Variants in FAM171A1 observed in about 807,000 individuals in gnomAD.
The protein encoded by FAM171A1 is family with sequence similarity 171 member A1.
A neutral mutation model predicts 74.9 loss-of-function variants in FAM171A1; 23 were observed. The observed-to-expected ratio is 0.31, with a 90% CI of 0.22 to 0.44. FAM171A1 has a LOEUF of 0.44. Among genes scored for constraint, FAM171A1 ranks in the 20% least tolerant of loss-of-function variants. The pLI, the probability that FAM171A1 is intolerant of heterozygous loss-of-function variation, is 1.00. For missense variants in FAM171A1, 1,162 were observed against 1,159.2 expected (o/e 1.00, Z -0.03); for synonymous variants, 527 against 505.7 (o/e 1.04, Z -0.57).
At chr10:15,315,168 G>A (rs1242981992) in intron 1 of FAM171A1, among the ~76,000 whole-genome samples, 1 of 152,162 alleles carries the variant, frequency 6.6e-6, no homozygotes, top group Non-Finnish European at 1.5e-5. Context: ...ACCACAATGA[G>A]GACAGACAGA....
At chr10:15,343,609 G>A (rs897626631) in intron 1 of FAM171A1, among the ~76,000 whole-genome samples, 1 of 152,174 alleles carries the variant, frequency 6.6e-6, no homozygotes, top group Admixed American at 6.5e-5. Context: ...AAGCACCCTA[G>A]AGGAGTGACC....
intron 1 of FAM171A1, among the ~76,000 whole-genome samples, chr10:15,356,360 A>G (rs1489481534): frequency 6.6e-6 from 1 of 152,170 alleles, no homozygotes; most frequent in Non-Finnish European, 1.5e-5. Context: ...CAAGGGGAGT[A>G]TAGAAAGATA....
At chr10:15,279,519 ATT>A (rs11322755) in intron 2 of FAM171A1, among the ~76,000 whole-genome samples, 9 of 149,230 alleles carry the variant, frequency 6.0e-5, no homozygotes, top group Non-Finnish European at 8.9e-5. Context: ...TACCAAGTAG[ATT>A]TTTTTTTTTT....
chr10:15,267,940 G>C (rs1414663309), intron 3 of FAM171A1, among the ~76,000 whole-genome samples: 2 of 152,208 alleles, frequency 1.3e-5, no homozygotes, highest in Non-Finnish European at 2.9e-5. Flanking sequence ...GCCTCCTTCA[G>C]CATCTTAGTA....
chr10:15,254,178 T>A (rs1429982886), intron 4 of FAM171A1, among the ~76,000 whole-genome samples: 1 of 151,968 alleles, frequency 6.6e-6, no homozygotes, highest in Non-Finnish European at 1.5e-5. Context: ...GGGCGGAGGC[T>A]CCCCATCCTA....
chr10:15,368,257 TCC>T (rs1836090765), intron 1 of FAM171A1, among the ~76,000 whole-genome samples: 2 of 152,160 alleles, frequency 1.3e-5, no homozygotes, highest in Admixed American at 1.3e-4. Context: ...AAGCCAAGCC[TCC>T]AATTTTATCT....
intron 2 of FAM171A1, among the ~76,000 whole-genome samples, chr10:15,276,710 G>A (rs955742449): frequency 1.3e-5 from 2 of 151,960 alleles, no homozygotes; most frequent in African/African-American, 2.4e-5. Flanking sequence ...TTTGAGACAC[G>A]GTCTCACTCT....
At chr10:15,360,566 G>T (rs912731100) in intron 1 of FAM171A1, among the ~76,000 whole-genome samples, 1 of 152,286 alleles carries the variant, frequency 6.6e-6, no homozygotes, top group Middle Eastern at 3.4e-3. Context: ...TCATGACCAG[G>T]GACAATGAGG....
intron 1 of FAM171A1, among the ~76,000 whole-genome samples, chr10:15,321,517 C>G (rs1835486330): frequency 6.6e-6 from 1 of 152,164 alleles, no homozygotes; most frequent in Non-Finnish European, 1.5e-5. Flanking sequence ...GCCCTGGTTT[C>G]ACAGTCAAAT....
chr10:15,254,252 C>A (rs1834546361), intron 4 of FAM171A1, among the ~76,000 whole-genome samples: 1 of 152,146 alleles, frequency 6.6e-6, no homozygotes, highest in South Asian at 2.1e-4. Flanking sequence ...GGACCAAGCA[C>A]CACCTCTTCC....
intron 1 of FAM171A1, among the ~76,000 whole-genome samples, chr10:15,295,611 T>G (rs1294712503): frequency 6.6e-5 from 10 of 152,252 alleles, no homozygotes; most frequent in Non-Finnish European, 1.2e-4. Flanking sequence ...TGGCCTTTGT[T>G]CTGGGATTTT....
At position 15,253,106 on chromosome 10, in the gene FAM171A1, C is replaced by T. The variant is rs189338118; in HGVS notation, c.577+1615G>A. Among the ~76,000 whole-genome samples, 117 of 152,222 alleles carry T rather than the reference C, an allele frequency of 7.7e-4. 1 individual carries two copies. The highest frequency in any genetic ancestry group is 1.1e-3 in the Non-Finnish European group (74 of 68,010). On this transcript the variant is annotated intron_variant, in intron 4 of 7. Coordinates refer to ENST00000378116, the MANE Select transcript of FAM171A1 (RefSeq NM_001010924.2). ...GCAACCTCCACCTTCTGGGTTCAAG[C>T]GATTCTCCTGCCTCAGCTTCCTGAG...
intron 1 of FAM171A1, 34 bp from the exon 2 acceptor site, chr10:15,284,139 G>A (rs1425092336): frequency 1.3e-6 from 2 of 1,588,948 alleles, no homozygotes; most frequent in Non-Finnish European, 8.6e-7. Flanking sequence ...AACAGCTACT[G>A]TCAATGGGAA....
intron 5 of FAM171A1, among the ~76,000 whole-genome samples, chr10:15,228,005 A>G (rs1834131022): frequency 6.6e-6 from 1 of 152,206 alleles, no homozygotes; most frequent in South Asian, 2.1e-4. Flanking sequence ...TGCAAAGTAT[A>G]AAGAAAAGTG....
rs372780035 is a variant in FAM171A1, at chr10:15,217,482, C to T, written c.872-1372G>A. Reference sequence around the variant, plus strand: ...AAGACCTAGATAAACCCAAGATTTACCAGTTTTTGAAAACAGTGATGTTAC... The same window carrying T: ...AAGACCTAGATAAACCCAAGATTTATCAGTTTTTGAAAACAGTGATGTTAC... On this transcript the variant is annotated intron_variant, in intron 6 of 7. Coordinates refer to ENST00000378116, the MANE Select transcript of FAM171A1 (RefSeq NM_001010924.2). Among the ~76,000 whole-genome samples, 4 of 152,258 alleles carry T rather than the reference C, an allele frequency of 2.6e-5. No individual in the cohort carries two copies. The East Asian group carries it at 7.7e-4, about 29-fold the overall frequency.
intron 5 of FAM171A1, among the ~76,000 whole-genome samples, chr10:15,234,951 C>T (rs1449502933): frequency 2.0e-5 from 3 of 151,980 alleles, no homozygotes; most frequent in Non-Finnish European, 2.9e-5. Flanking sequence ...CGTGAGCCAC[C>T]GTGCCGGGCC....
chr10:15,329,768 G>C (rs1835604599), intron 1 of FAM171A1, among the ~76,000 whole-genome samples: 1 of 152,054 alleles, frequency 6.6e-6, no homozygotes, highest in African/African-American at 2.4e-5. Context: ...GTCTGCCTTA[G>C]AATAAAATTG....
intron 3 of FAM171A1, among the ~76,000 whole-genome samples, chr10:15,260,588 C>A (rs1164152290): frequency 6.6e-6 from 1 of 152,148 alleles, no homozygotes; most frequent in African/African-American, 2.4e-5. Context: ...TTAAACCAGG[C>A]GTTCTGTGAA....
At position 15,212,926 on chromosome 10, in the gene FAM171A1, T is replaced by A. The variant is rs768069283; in HGVS notation, c.2662A>T (p.Asn888Tyr). The change falls in exon 8 of 8, where the codon AAC becomes TAC. Residue 888 changes from asparagine (N) to tyrosine (Y), a missense_variant. Coordinates refer to ENST00000378116, the MANE Select transcript of FAM171A1 (RefSeq NM_001010924.2). ...GGGTCTGCGATAGCTCATTTAATGTTAAACGCCATCAGGGGCCTCTCCTCC... is the reference window on the plus strand; with the variant it reads ...GGGTCTGCGATAGCTCATTTAATGTAAAACGCCATCAGGGGCCTCTCCTCC... ...KREERPLMAFNIK is the reference protein window; with the variant it reads ...KREERPLMAFYIK 6.2e-7 allele frequency: 1 copy of A among 1,614,078 alleles called. No individual in the cohort carries two copies. The highest frequency in any genetic ancestry group is 1.1e-5 in the South Asian group (1 of 91,062).
Sources: allele counts gnomAD v4.1 joint callset (sites outside exome capture counted in the v4.1 genomes callset), GRCh38; gene constraint gnomAD v4.1.1; transcripts MANE v1.5; gene names NCBI Gene and HGNC (gene_info 2026-07-23, HGNC 2026-07-21).